Variants in KIAA0586 observed in about 807,000 individuals in gnomAD.
The protein encoded by KIAA0586 is KIAA0586, also known as protein TALPID3.
Under a neutral mutation model 169.8 loss-of-function variants are expected in KIAA0586, and 144 were observed. That is an observed-to-expected ratio of 0.85 (90% CI 0.74 to 0.97). The LOEUF (loss-of-function observed/expected upper bound fraction) is 0.97, where lower values mean the gene tolerates loss of function less well. Ranked by LOEUF, KIAA0586 falls within the 50% of genes least tolerant of loss-of-function variation. The pLI is 0.00. For synonymous variants in KIAA0586, 625 were observed against 612.4 expected (o/e 1.02, Z -0.30); for missense variants, 1,854 against 1,823.0 (o/e 1.02, Z -0.31).
intron 29 of KIAA0586, chr14:58,521,969 C>T: frequency 7.4e-7 from 1 of 1,359,008 alleles, no homozygotes; most frequent in Non-Finnish European, 1.1e-6. Context: ...AGAGACAGCA[C>T]CAATGGCGAA....
At chr14:58,560,392 G>A in the KIAA0586 span, among the ~76,000 whole-genome samples, 2 of 152,160 alleles carry the variant, frequency 1.3e-5, no homozygotes, top group Admixed American at 1.3e-4. Flanking sequence ...CATGTATGCC[G>A]GATTGTTGAG....
At chr14:58,547,169 A>G (rs2047035255) in intron 30 of KIAA0586, among the ~76,000 whole-genome samples, 1 of 151,896 alleles carries the variant, frequency 6.6e-6, no homozygotes, top group Non-Finnish European at 1.5e-5. Context: ...AAAAAAAAAA[A>G]AAGTTCTTGC....
intron 29 of KIAA0586, chr14:58,521,107 A>G (rs1369162679): frequency 6.6e-6 from 3 of 457,384 alleles, no homozygotes; most frequent in Non-Finnish European, 8.2e-6. Context: ...TTCTCCACAT[A>G]GTACCCGGGA....
At chr14:58,542,218 C>G (rs1369528911) in intron 30 of KIAA0586, among the ~76,000 whole-genome samples, 1 of 152,112 alleles carries the variant, frequency 6.6e-6, no homozygotes, top group Non-Finnish European at 1.5e-5. Flanking sequence ...GTGGCTCACG[C>G]CTGTAATCCC....
Position 58,428,123 on chromosome 14 carries a change from G to C in KIAA0586, c.-142G>C. 6.8e-7 allele frequency: 1 copy of C among 1,467,028 alleles called. No individual in the cohort carries two copies. The highest frequency in any genetic ancestry group is 9.0e-7 in the Non-Finnish European group (1 of 1,113,640). The allele number at this position is 1,467,028 out of a possible 1,614,324, so 90.9% of individuals were successfully genotyped here. A position where few individuals can be genotyped will look rare whatever the true frequency, so the allele number is the denominator to read the frequency against. ...AGCTCTAATCCTGGATTCAATATCA[G>C]AATTTAGATTTTCAGCTTTGTGGAT... On this transcript the variant is annotated 5_prime_UTR_variant, in exon 1 of 31. Transcript: ENST00000652326.
intron 15 of KIAA0586, 88 bp from the exon 16 acceptor site, chr14:58,467,647 A>G: frequency 2.1e-6 from 2 of 948,044 alleles, no homozygotes; most frequent in East Asian, 2.4e-5. Flanking sequence ...TAAATATGAG[A>G]ATATAGCCAT....
intron 6 of KIAA0586, among the ~76,000 whole-genome samples, chr14:58,445,518 C>T (rs762553568): frequency 1.3e-5 from 2 of 151,116 alleles, no homozygotes; most frequent in African/African-American, 2.4e-5. Context: ...ACTGCAACCT[C>T]CACCTCCCAG....
In KIAA0586 at chr14:58,520,105, A is replaced by G. The variant is rs1451275669; in HGVS notation, c.4429+7478A>G. ...GCCCAAGGGTGGGGAAAATTAAATC[A>G]GCTTAGATACTAGTTCATGGGGAAT... On this transcript the variant is annotated intron_variant, in intron 29 of 30. Coordinates refer to ENST00000652326, the MANE Select transcript of KIAA0586 (RefSeq NM_001329943.3). Among the ~76,000 whole-genome samples the G allele has an allele frequency of 2.0e-5, 3 of 152,200 alleles. No homozygotes were observed. The East Asian group carries it at 5.8e-4, about 29-fold the overall frequency.
chr14:58,484,935 T>A (rs1376237686), intron 21 of KIAA0586, among the ~76,000 whole-genome samples: 5 of 57,188 alleles, frequency 8.7e-5, no homozygotes, highest in African/African-American at 1.9e-4. Context: ...TTTTTTTTTT[T>A]TTTTTTTTTT....
chr14:58,554,374 C>T (rs765057938), downstream of KIAA0586, among the ~76,000 whole-genome samples: 4 of 152,142 alleles, frequency 2.6e-5, no homozygotes, highest in Non-Finnish European at 5.9e-5. Context: ...TGGAACTGGT[C>T]ACTGAACTAG....
Position 58,550,308 on chromosome 14 carries a change from A to C in KIAA0586, c.*2376A>C, listed in dbSNP as rs1488863000. ...CCACCGCGCCCGGCATTCATCTAGT[A>C]TTTTGTTTTATAGGATTATTTCTGT... On this transcript the variant is annotated 3_prime_UTR_variant, in exon 31 of 31. Coordinates refer to ENST00000652326, the MANE Select transcript of KIAA0586 (RefSeq NM_001329943.3). 2 of 152,056 alleles carry C rather than the reference A, an allele frequency of 1.3e-5. No individual in the cohort carries two copies. The highest frequency in any genetic ancestry group is 6.6e-5 in the Admixed American group (1 of 15,240). 9.4% of individuals were successfully genotyped at this position (152,056 alleles called of 1,614,324 possible).
chr14:58,468,097 G>A (rs2040915000), intron 16 of KIAA0586, among the ~76,000 whole-genome samples, 175 bp downstream of exon 16: 1 of 152,054 alleles, frequency 6.6e-6, no homozygotes, highest in African/African-American at 2.4e-5. Flanking sequence ...CCAGTCTGGA[G>A]GGCAATGGCG....
rs1345119727 is a variant in KIAA0586 at position 58,498,924 on chromosome 14, C to T, written c.4132C>T (p.Pro1378Ser). Residue 1378 changes from proline to serine, a missense_variant, in exon 27 of 31, where the codon CCT becomes TCT. Pro to Ser is a moderately conservative substitution (Grantham distance 74). Transcript: ENST00000652326. ...NTQSLDQQCD[P>S]KPLSRQFDTV... ...ACAGTCTTTGGATCAACAATGTGAT[C>T]CTAAACCATTATCTCGGCAATTTGA... is the stretch of plus-strand genomic sequence containing the variant. 2 of 1,609,318 alleles carry T rather than the reference C, an allele frequency of 1.2e-6. No homozygotes were observed. Among genetic ancestry groups the T allele is most frequent in the East Asian group, 2.2e-5 (1 of 44,736 alleles).
chr14:58,427,539 A>T (rs1454955928), upstream of KIAA0586: 28 of 1,511,604 alleles, frequency 1.9e-5, no homozygotes, highest in Non-Finnish European at 2.2e-5. Context: ...CTTAAAATAA[A>T]TAAATAAATA....
intron 20 of KIAA0586, among the ~76,000 whole-genome samples, chr14:58,480,362 A>C (rs1287547291): frequency 6.6e-6 from 1 of 151,758 alleles, no homozygotes; most frequent in Non-Finnish European, 1.5e-5. Context: ...AAAAAAAAAA[A>C]AACTTCTTTA....
chr14:58,465,569 G>A (rs1182918803), intron 14 of KIAA0586, among the ~76,000 whole-genome samples: 1 of 152,150 alleles, frequency 6.6e-6, no homozygotes, highest in Non-Finnish European at 1.5e-5. Context: ...GTTCATTCAT[G>A]TATATATTGT....
chr14:58,471,488 G>A (rs937147484), intron 17 of KIAA0586, among the ~76,000 whole-genome samples: 3 of 152,280 alleles, frequency 2.0e-5, no homozygotes, highest in East Asian at 3.9e-4. Context: ...CAGCAAAATA[G>A]CACTGTAACT....
intron 7 of KIAA0586, among the ~76,000 whole-genome samples, chr14:58,450,023 A>G (rs569946841): frequency 6.6e-6 from 1 of 152,306 alleles, no homozygotes; most frequent in African/African-American, 2.4e-5. Context: ...CATATTTTAT[A>G]TAGTTGTCTT....
the KIAA0586 span, among the ~76,000 whole-genome samples, chr14:58,560,918 C>T: frequency 1.3e-5 from 2 of 152,098 alleles, no homozygotes; most frequent in Admixed American, 6.6e-5. Flanking sequence ...GATGAATGTA[C>T]GACAAGTTTC....
Sources: gnomAD v4.1 joint callset for allele counts (sites outside exome capture counted in the v4.1 genomes callset) on GRCh38, gnomAD v4.1.1 for gene constraint, MANE v1.5 for transcripts, NCBI Gene and HGNC (gene_info 2026-07-23, HGNC 2026-07-21) for gene names.